Variants in MOXD1 observed in about 807,000 individuals in gnomAD.
MOXD1 encodes the protein DBH-like monooxygenase protein 1.
In MOXD1, 62 loss-of-function variants were observed where a neutral mutation model predicts 66.6. That is an observed-to-expected ratio of 0.93 (90% CI 0.76 to 1.15). The LOEUF is 1.15. MOXD1 is among the 50% of genes most tolerant of loss of function. The pLI is 0.00. For synonymous variants in MOXD1, 303 were observed against 281.9 expected (o/e 1.07, Z -0.75); for missense variants, 847 against 754.6 (o/e 1.12, Z -1.44).
chr6:132,339,238 T>A (rs1775500721), intron 4 of MOXD1, among the ~76,000 whole-genome samples: 1 of 152,220 alleles, frequency 6.6e-6, no homozygotes, highest in South Asian at 2.1e-4. Flanking sequence ...CAAAGGCAAC[T>A]TATTTACATT....
At chr6:132,391,939 T>C (rs1776774278) in intron 1 of MOXD1, 1 of 388,420 alleles carries the variant, frequency 2.6e-6, no homozygotes, top group African/African-American at 2.1e-5. Flanking sequence ...CATGTGTCCT[T>C]ATTACTAATG....
At chr6:132,362,116 T>C (rs933024914) in intron 4 of MOXD1, among the ~76,000 whole-genome samples, 1 of 152,138 alleles carries the variant, frequency 6.6e-6, no homozygotes, top group African/African-American at 2.4e-5. Context: ...TTGATAAGTA[T>C]ACAATTGTTT....
At chr6:132,396,992 A>C (rs1312353838) in intron 1 of MOXD1, among the ~76,000 whole-genome samples, 2 of 152,168 alleles carry the variant, frequency 1.3e-5, no homozygotes, top group Non-Finnish European at 2.9e-5. Flanking sequence ...TCTTGAATCT[A>C]GTGGGCTTGT....
Position 132,322,880 on chromosome 6 carries a change from A to T in MOXD1, c.1114-10T>A. On this transcript the variant is annotated splice_polypyrimidine_tract_variant and intron_variant, in intron 7 of 11. Transcript: ENST00000367963. ...TTTCGGCTTCCAGAGCCTACAGGAG[A>T]CACCGAGGAAGACCCGATTAGCCCA... 1 of 1,602,276 alleles carries T rather than the reference A, an allele frequency of 6.2e-7. No homozygotes were observed. Among genetic ancestry groups the T allele is most frequent in the Non-Finnish European group, 8.5e-7 (1 of 1,175,404 alleles).
In MOXD1 at chr6:132,381,110, A is replaced by G. The variant is rs4897579; in HGVS notation, c.265-6333T>C. 0.039 allele frequency among the ~76,000 whole-genome samples: 5,913 copies of G among 152,330 alleles called. 596 individuals are homozygous for G. The East Asian group carries it at 0.41, about 10-fold the overall frequency. On this transcript the variant is annotated intron_variant, in intron 1 of 11. Transcript: ENST00000367963. ...ATGTTAATTTATATCCTCAGTACCT[A>G]ACAAAGTGACTGGCATATTGAAGAT... is the stretch of plus-strand genomic sequence containing the variant.
intron 1 of MOXD1, among the ~76,000 whole-genome samples, chr6:132,377,706 G>A (rs898027832): frequency 3.3e-5 from 5 of 152,004 alleles, no homozygotes; most frequent in Non-Finnish European, 5.9e-5. Context: ...CTGAACTCCC[G>A]GAAAAAAGAA....
chr6:132,332,714 T>C (rs184565153), intron 4 of MOXD1, among the ~76,000 whole-genome samples: 1 of 152,358 alleles, frequency 6.6e-6, no homozygotes, highest in African/African-American at 2.4e-5. Context: ...TTACAAAGCC[T>C]GATCAAGCCA....
intron 9 of MOXD1, among the ~76,000 whole-genome samples, chr6:132,316,758 A>G (rs879276088): frequency 1.6e-4 from 25 of 152,168 alleles, no homozygotes; most frequent in Non-Finnish European, 3.1e-4. Flanking sequence ...TCTATGGGAC[A>G]ACATTAAATG....
chr6:132,374,493 A>T, intron 2 of MOXD1, 138 bp downstream of exon 2: 2 of 972,012 alleles, frequency 2.1e-6, no homozygotes, highest in Middle Eastern at 3.7e-4. Context: ...AACTAAAAAA[A>T]AAACTAAAAA....
intron 4 of MOXD1, among the ~76,000 whole-genome samples, chr6:132,341,331 T>C (rs1001554187): frequency 1.3e-5 from 2 of 152,196 alleles, no homozygotes; most frequent in African/African-American, 2.4e-5. Context: ...CCAATGACAG[T>C]GCCTTGACCT....
At chr6:132,361,169 T>C (rs1776010688) in intron 4 of MOXD1, among the ~76,000 whole-genome samples, 1 of 152,190 alleles carries the variant, frequency 6.6e-6, no homozygotes, top group Non-Finnish European at 1.5e-5. Context: ...TAAACATGAA[T>C]GTATAGCATT....
intron 4 of MOXD1, among the ~76,000 whole-genome samples, chr6:132,348,629 TA>T (rs1322944540): frequency 2.0e-5 from 3 of 152,272 alleles, no homozygotes; most frequent in South Asian, 2.1e-4. Flanking sequence ...AGAAAACATA[TA>T]AAAAACACGG....
At chr6:132,370,441 CTTTAT>C (rs1776242288) in intron 4 of MOXD1, among the ~76,000 whole-genome samples, 1 of 151,874 alleles carries the variant, frequency 6.6e-6, no homozygotes, top group African/African-American at 2.4e-5. Context: ...GTAGAGTTTT[CTTTAT>C]TTTTTGAATA....
At chr6:132,353,107 C>G (rs1775836685) in intron 4 of MOXD1, among the ~76,000 whole-genome samples, 1 of 152,170 alleles carries the variant, frequency 6.6e-6, no homozygotes, top group Non-Finnish European at 1.5e-5. Flanking sequence ...AGTTCTATAT[C>G]TTTTAAGTGG....
chr6:132,313,884 C>T (rs536296018), intron 10 of MOXD1, among the ~76,000 whole-genome samples: 3 of 152,242 alleles, frequency 2.0e-5, no homozygotes, highest in Admixed American at 6.5e-5. Context: ...CACTGCACTC[C>T]AGCCTGGGTG....
intron 4 of MOXD1, among the ~76,000 whole-genome samples, chr6:132,360,080 AT>A (rs1775986736): frequency 6.6e-6 from 1 of 152,232 alleles, no homozygotes; most frequent in African/African-American, 2.4e-5. Flanking sequence ...TGTATCAAGT[AT>A]TCTTTGCCAC....
At chr6:132,383,295 T>G (rs1776547477) in intron 1 of MOXD1, among the ~76,000 whole-genome samples, 1 of 152,170 alleles carries the variant, frequency 6.6e-6, no homozygotes, top group South Asian at 2.1e-4. Context: ...AAACACAATC[T>G]TCAGAGTTCA....
intron 9 of MOXD1, among the ~76,000 whole-genome samples, chr6:132,319,052 C>T (rs953892027): frequency 1.3e-5 from 2 of 151,848 alleles, no homozygotes; most frequent in African/African-American, 4.8e-5. Flanking sequence ...TTGTATTAAT[C>T]GCCAGTTTTA....
chr6:132,332,782 A>C (rs998035750), intron 4 of MOXD1, among the ~76,000 whole-genome samples: 5 of 152,188 alleles, frequency 3.3e-5, no homozygotes, highest in African/African-American at 1.2e-4. Context: ...TCCCACAACA[A>C]GTTCTACAAA....
Sources: allele counts gnomAD v4.1 joint callset (sites outside exome capture counted in the v4.1 genomes callset), GRCh38; gene constraint gnomAD v4.1.1; transcripts MANE v1.5; gene names NCBI Gene and HGNC (gene_info 2026-07-23, HGNC 2026-07-21).